Variants in NSD2 observed in about 807,000 individuals in gnomAD.
NSD2 encodes the protein histone-lysine N-methyltransferase NSD2.
A neutral mutation model predicts 139.0 loss-of-function variants in NSD2; 12 were observed. The observed-to-expected ratio is 0.09, with a 90% CI of 0.06 to 0.14. The LOEUF is 0.14. Among genes scored for constraint, NSD2 ranks in the 10% least tolerant of loss-of-function variants. The pLI, the probability that NSD2 is intolerant of heterozygous loss-of-function variation, is 1.00. For synonymous variants in NSD2, 669 were observed against 648.7 expected (o/e 1.03, Z -0.48); for missense variants, 1,155 against 1,745.0 (o/e 0.66, Z 6.02).
intron 6 of NSD2, among the ~76,000 whole-genome samples, chr4:1,931,157 G>T (rs1295882045): frequency 6.6e-6 from 1 of 152,136 alleles, no homozygotes; most frequent in Admixed American, 6.5e-5. Context: ...TGTGACTTCC[G>T]AGGAGGCAGC....
Position 1,978,852 on chromosome 4 carries a change from G to C in NSD2, c.4041G>C (p.Lys1347Asn), listed in dbSNP as rs1172013755. The change falls in exon 22 of 22, where the codon AAG (lysine) becomes AAC (asparagine). Residue 1347 changes from lysine to asparagine, a missense_variant. Physicochemically the swap from Lys to Asn is moderately conservative, Grantham distance 94. Around this residue, in one of 8 missense-constraint regions of NSD2, gnomAD observed 132 missense variants for 94.3 expected, o/e 1.40. Transcript: ENST00000508803. ...KTEKPPPEPG[K>N]PKGKRRRRRG... ...AGAAGCCCCCCCCAGAGCCAGGGAA[G>C]CCGAAGGGGAAGAGGCGGCGGCGGA... 6.2e-7 allele frequency: 1 copy of C among 1,601,522 alleles called. No homozygotes were observed. The highest frequency in any genetic ancestry group is 8.5e-7 in the Non-Finnish European group (1 of 1,171,282).
intron 9 of NSD2, among the ~76,000 whole-genome samples, chr4:1,949,467 A>G (rs563277370): frequency 1.3e-3 from 191 of 152,316 alleles, no homozygotes; most frequent in Non-Finnish European, 2.0e-3. Context: ...AAGCCCTTGG[A>G]AAAAGCCCAC....
intron 1 of NSD2, among the ~76,000 whole-genome samples, chr4:1,889,782 C>G (rs938758111): frequency 6.6e-6 from 1 of 152,070 alleles, no homozygotes; most frequent in Admixed American, 6.5e-5. Flanking sequence ...GCTGGGATTA[C>G]AGGCGTGAGC....
intron 1 of NSD2, among the ~76,000 whole-genome samples, chr4:1,871,778 T>A (rs1234264741): frequency 3.0e-5 from 4 of 134,228 alleles, no homozygotes; most frequent in Non-Finnish European, 6.3e-5. Flanking sequence ...CGCGGAGGCC[T>A]GAGGGCCGGC....
intron 10 of NSD2, among the ~76,000 whole-genome samples, chr4:1,951,446 ACACACACACACAC>A: frequency 4.2e-4 from 1 of 2,378 alleles, no homozygotes; most frequent in African/African-American, 6.4e-4. Context: ...CATGTAATAC[ACACACACACACAC>A]ACACACACAC....
chr4:1,929,208 C>T (rs1721329317), intron 5 of NSD2, among the ~76,000 whole-genome samples: 1 of 151,976 alleles, frequency 6.6e-6, no homozygotes, highest in African/African-American at 2.4e-5. Flanking sequence ...AAGAGGGCAA[C>T]AAGAGCCTCC....
Position 1,918,583 on chromosome 4 carries a change from C to T in NSD2, c.1370C>T (p.Ala457Val), listed in dbSNP as rs1719722023. The T allele has an allele frequency of 2.5e-6, 4 of 1,613,846 alleles. No individual in the cohort carries two copies. Among genetic ancestry groups the T allele is most frequent in the African/African-American group, 1.3e-5 (1 of 74,924 alleles). The change falls in exon 5 of 22, where the codon GCA (alanine) becomes GTA (valine). Residue 457 changes from alanine to valine, a missense_variant. By Grantham distance (64) the Ala-to-Val change is moderately conservative. Transcript: ENST00000508803. ...SMPRSRKGDA[A>V]SQFLVFCQKH... ...CCACGAAGCAGGAAGGGAGATGCAGCATCCCAGTTTTTGGTCTTCTGTCAA... is the reference window on the plus strand; with the variant it reads ...CCACGAAGCAGGAAGGGAGATGCAGTATCCCAGTTTTTGGTCTTCTGTCAA...
chr4:1,977,213 G>A (rs1457986133), intron 21 of NSD2, among the ~76,000 whole-genome samples: 1 of 152,258 alleles, frequency 6.6e-6, no homozygotes, highest in East Asian at 1.9e-4. Context: ...CTCTGGCTCT[G>A]TTTGAGGGAA....
At chr4:1,877,091 C>T (rs1170077155) in intron 1 of NSD2, among the ~76,000 whole-genome samples, 1 of 151,950 alleles carries the variant, frequency 6.6e-6, no homozygotes, top group Non-Finnish European at 1.5e-5. Flanking sequence ...GAGCCGAGAT[C>T]ATGCTACTGC....
rs189054462 is a variant in NSD2, at chr4:1,922,230, G to A, written c.1410+3607G>A. ...GTCTATGTAGAAAACTCAAGAGAAT[G>A]TACAGAAAATCTTTTAGAATTAATA... On this transcript the variant is annotated intron_variant, in intron 5 of 21. Coordinates refer to ENST00000508803, the MANE Select transcript of NSD2 (RefSeq NM_001042424.3). 2.7e-3 allele frequency among the ~76,000 whole-genome samples: 404 copies of A among 152,276 alleles called. 3 individuals carry two copies. The highest frequency in any genetic ancestry group is 8.7e-3 in the African/African-American group (361 of 41,560).
At chr4:1,971,437 A>C (rs984766759) in intron 18 of NSD2, among the ~76,000 whole-genome samples, 3 of 152,184 alleles carry the variant, frequency 2.0e-5, no homozygotes, top group Non-Finnish European at 2.9e-5. Context: ...TTGAAGGCAG[A>C]GATCCTGGAC....
At chr4:1,876,722 G>A (rs1577347102) in intron 1 of NSD2, among the ~76,000 whole-genome samples, 1 of 152,170 alleles carries the variant, frequency 6.6e-6, no homozygotes, top group East Asian at 1.9e-4. Context: ...CCCCAATAGT[G>A]AGACTACCCT....
At chr4:1,919,598 C>T (rs1251129538) in intron 5 of NSD2, among the ~76,000 whole-genome samples, 1 of 151,820 alleles carries the variant, frequency 6.6e-6, no homozygotes, top group Admixed American at 6.6e-5. Flanking sequence ...AGGAATTTTC[C>T]ATTCAGTAGT....
intron 1 of NSD2, among the ~76,000 whole-genome samples, chr4:1,886,693 C>G (rs1277837966): frequency 6.6e-6 from 1 of 151,978 alleles, no homozygotes; most frequent in African/African-American, 2.4e-5. Flanking sequence ...AAAAAATTAG[C>G]CAGGCGTGGT....
intron 2 of NSD2, among the ~76,000 whole-genome samples, chr4:1,902,326 G>A (rs1049623531): frequency 6.6e-6 from 1 of 152,016 alleles, no homozygotes; most frequent in Non-Finnish European, 1.5e-5. Context: ...CCAGGCTTAG[G>A]TGATCCTCCT....
In NSD2 at chr4:1,901,233, A is replaced by G. The variant is rs142512153; in HGVS notation, c.579A>G (p.Ser193=). The change falls in exon 2 of 22, where the codon TCA becomes TCG. Residue 193 remains serine (S), a synonymous_variant. Coordinates refer to ENST00000508803, the MANE Select transcript of NSD2 (RefSeq NM_001042424.3). ...AAGCAGCTCTTGTGTCTAAGATCTC[A>G]AGTCCTTCAGATAAAAAGGTATTTA... The part of the protein sequence containing the change: ...LVEAALVSKI[S]SPSDKKIPAK... 170 of 1,576,644 alleles carry G rather than the reference A, an allele frequency of 1.1e-4. No individual in the cohort carries two copies. Among genetic ancestry groups the G allele is most frequent in the Non-Finnish European group, 1.4e-4 (167 of 1,165,314 alleles).
intron 3 of NSD2, among the ~76,000 whole-genome samples, chr4:1,905,804 C>T (rs887974291): frequency 6.6e-6 from 1 of 152,208 alleles, no homozygotes; most frequent in Non-Finnish European, 1.5e-5. Flanking sequence ...GGACCTTTGG[C>T]ATCCTTGGCT....
Position 1,942,281 on chromosome 4 carries a change from C to A in NSD2, c.1881+2503C>A. The A allele has an allele frequency of 1.9e-6, 3 of 1,596,746 alleles. No homozygotes were observed. Among genetic ancestry groups the A allele is most frequent in the Non-Finnish European group, 2.6e-6 (3 of 1,173,842 alleles). The stretch of plus-strand genomic sequence containing the variant: ...ATGTGATTTAAGTGTTTTGTAACTT[C>A]ATTTTTTATTCCTTTAGTAGAGCAA... On this transcript the variant is annotated intron_variant, in intron 9 of 21. Transcript: ENST00000508803. This position sits in a 1 kb window ranked among gnomAD's most constrained non-coding sequence, Gnocchi z 4.0.
Position 1,982,068 on chromosome 4 carries a change from G to A in NSD2, c.*3159G>A. ...TTAAAAACTTGAAATTCACTTTTTG[G>A]GGGGAGGGATATACTGAAATAGAGA... On this transcript the variant is annotated 3_prime_UTR_variant, in exon 22 of 22. Coordinates refer to ENST00000508803, the MANE Select transcript of NSD2 (RefSeq NM_001042424.3). 5 of 397,460 alleles carry A rather than the reference G, an allele frequency of 1.3e-5. No individual in the cohort carries two copies. Among genetic ancestry groups the A allele is most frequent in the Non-Finnish European group, 8.9e-6 (2 of 225,794 alleles). 24.6% of individuals were successfully genotyped at this position (397,460 alleles called of 1,614,324 possible).
Sources: allele counts gnomAD v4.1 joint callset (sites outside exome capture counted in the v4.1 genomes callset), GRCh38; gene constraint gnomAD v4.1.1; regional missense constraint gnomAD v4.1.1; non-coding constraint Gnocchi (gnomAD v3.1); transcripts MANE v1.5; gene names NCBI Gene and HGNC (gene_info 2026-07-23, HGNC 2026-07-21).